Variants in STX18 observed in about 807,000 individuals in gnomAD.
STX18 encodes the protein syntaxin 18.
STX18 carries 40 observed loss-of-function variants against 50.1 expected under a neutral mutation model. The observed-to-expected ratio is 0.80, with a 90% confidence interval of 0.62 to 1.04. The LOEUF (loss-of-function observed/expected upper bound fraction) is 1.04, where lower values mean the gene tolerates loss of function less well. Among genes scored for constraint, STX18 ranks in the 50% least tolerant of loss-of-function variants. The pLI, the probability that STX18 is intolerant of heterozygous loss-of-function variation, is 0.00. For synonymous variants in STX18, 158 were observed against 151.8 expected (o/e 1.04, Z -0.30); for missense variants, 410 against 415.8 (o/e 0.99, Z 0.12).
intron 5 of STX18, among the ~76,000 whole-genome samples, chr4:4,439,336 CACAT>C (rs1044803167): frequency 2.0e-5 from 3 of 149,406 alleles, no homozygotes; most frequent in Non-Finnish European, 4.4e-5. Context: ...TATACACACC[CACAT>C]ACATATACTA....
At chr4:4,462,650 T>C (rs10020986) in intron 2 of STX18, among the ~76,000 whole-genome samples, 53,268 of 151,568 alleles carry the variant, frequency 0.35, 12,938 homozygotes, top group African/African-American at 0.7. Flanking sequence ...TCACTTGAGC[T>C]CAGGATTTTG....
intron 1 of STX18, among the ~76,000 whole-genome samples, chr4:4,487,800 T>C (rs1260100420): frequency 1.3e-5 from 2 of 152,222 alleles, no homozygotes; most frequent in Admixed American, 1.3e-4. Flanking sequence ...ACGCTCACTC[T>C]TTTTGTGTTG....
chr4:4,435,114 G>A (rs1725710303), intron 6 of STX18, among the ~76,000 whole-genome samples: 1 of 152,094 alleles, frequency 6.6e-6, no homozygotes, highest in Non-Finnish European at 1.5e-5. Flanking sequence ...TTTCAGTATC[G>A]CACTGATGTC....
chr4:4,470,089 G>C (rs1446206990), intron 2 of STX18, among the ~76,000 whole-genome samples: 1 of 152,180 alleles, frequency 6.6e-6, no homozygotes, highest in African/African-American at 2.4e-5. Context: ...ATGAGGGCAG[G>C]AATATTTGTA....
At chr4:4,471,731 A>T (rs1430813814) in intron 1 of STX18, 25 bp from the exon 2 acceptor site, 1 of 1,491,282 alleles carries the variant, frequency 6.7e-7, no homozygotes. Flanking sequence ...GAAAGCCAAC[A>T]GTTTATATAG....
intron 5 of STX18, among the ~76,000 whole-genome samples, chr4:4,445,500 A>AGGTC (rs1192044427): frequency 6.6e-6 from 1 of 152,182 alleles, no homozygotes; most frequent in Non-Finnish European, 1.5e-5. Context: ...AGTTGTAGAC[A>AGGTC]GGTCAATATA....
intron 5 of STX18, among the ~76,000 whole-genome samples, chr4:4,439,614 C>T (rs1299035045): frequency 6.8e-6 from 1 of 146,310 alleles, no homozygotes; most frequent in African/African-American, 2.5e-5. Flanking sequence ...TACCCCCCAA[C>T]ATATATACTC....
chr4:4,525,594 G>A lies in STX18; in HGVS notation c.168+16203C>T, dbSNP rs375562742. The stretch of plus-strand genomic sequence containing the variant: ...CAAAGACCAAGAAGATATGGTGTCT[G>A]TTCTGTCTAAAGGCTGTATTACTGG... On this transcript the variant is annotated intron_variant, in intron 1 of 10. Coordinates refer to ENST00000306200, the MANE Select transcript of STX18 (RefSeq NM_016930.4). Among the ~76,000 whole-genome samples the A allele has an allele frequency of 1.3e-4, 20 of 152,266 alleles. 1 individual carries two copies. The East Asian group carries it at 1.5e-3, about 12-fold the overall frequency.
chr4:4,451,693 C>G (rs1334060099), intron 5 of STX18, among the ~76,000 whole-genome samples: 3 of 152,156 alleles, frequency 2.0e-5, no homozygotes, highest in Non-Finnish European at 4.4e-5. Flanking sequence ...CATAAGACAG[C>G]GTACTTCATA....
At position 4,507,332 on chromosome 4, in the gene STX18, A is replaced by G. The variant is rs779523800; in HGVS notation, c.168+34465T>C. 2.1e-4 allele frequency: 154 copies of G among 741,700 alleles called. 1 individual carries two copies. The highest frequency in any genetic ancestry group is 3.6e-4 in the Non-Finnish European group (143 of 393,274). The allele number at this position is 741,700 out of a possible 1,614,324, so 45.9% of individuals were successfully genotyped here. On this transcript the variant is annotated intron_variant, in intron 1 of 10. Coordinates refer to ENST00000306200, the MANE Select transcript of STX18 (RefSeq NM_016930.4). ...CTCAAGGCTCAGCTCACAGAGCTGA[A>G]TATTATGGCAGCCAAGGAAATTGAA...
intron 1 of STX18, among the ~76,000 whole-genome samples, chr4:4,501,480 T>C (rs1357868654): frequency 6.6e-6 from 1 of 152,200 alleles, no homozygotes; most frequent in East Asian, 1.9e-4. Flanking sequence ...TAGTGATTAT[T>C]TTGTGAGGGA....
intron 1 of STX18, among the ~76,000 whole-genome samples, chr4:4,505,940 G>C (rs1038359098): frequency 3.3e-5 from 5 of 152,306 alleles, no homozygotes; most frequent in African/African-American, 9.6e-5. Flanking sequence ...CTTTGTGCCT[G>C]TTTTTTAATT....
chr4:4,467,754 T>A (rs890238342), intron 2 of STX18, among the ~76,000 whole-genome samples: 4 of 16,698 alleles, frequency 2.4e-4, no homozygotes, highest in Admixed American at 8.5e-4. Context: ...GGGGGGTGGG[T>A]GGGAGGGTAG....
intron 1 of STX18, among the ~76,000 whole-genome samples, chr4:4,526,539 A>T (rs185623397): frequency 1.3e-5 from 2 of 152,374 alleles, no homozygotes; most frequent in Admixed American, 1.3e-4. Flanking sequence ...AAATGTAAAC[A>T]GGAAAACCAA....
At position 4,432,735 on chromosome 4, in the gene STX18, TG is replaced by T. The variant is rs551510199; in HGVS notation, c.702+2034del. ...AGGCTGTGCTACCTTTTGGCTTTTT[TG>T]TCTTCACTTGTCCATGCCATTTTTA... On this transcript the variant is annotated intron_variant, in intron 7 of 10. Coordinates refer to ENST00000306200, the MANE Select transcript of STX18 (RefSeq NM_016930.4). Among the ~76,000 whole-genome samples the T allele has an allele frequency of 5.9e-5, 9 of 152,384 alleles. No individual in the cohort carries two copies. In the South Asian group the frequency reaches 1.9e-3, roughly 32 times the overall value.
At chr4:4,489,606 G>A (rs2108862045) in intron 1 of STX18, among the ~76,000 whole-genome samples, 1 of 151,632 alleles carries the variant, frequency 6.6e-6, no homozygotes, top group East Asian at 1.9e-4. Context: ...TCTTTGTTTG[G>A]AAATAAATGA....
intron 1 of STX18, among the ~76,000 whole-genome samples, chr4:4,516,695 T>C (rs1560205163): frequency 6.6e-6 from 1 of 152,210 alleles, no homozygotes; most frequent in Non-Finnish European, 1.5e-5. Flanking sequence ...TTGACTAACG[T>C]GCTATGCATT....
intron 5 of STX18, among the ~76,000 whole-genome samples, chr4:4,456,065 C>T (rs1185645960): frequency 6.6e-6 from 1 of 151,918 alleles, no homozygotes; most frequent in Admixed American, 6.6e-5. Context: ...ATTGCCTGAG[C>T]CCAGGAGTTT....
intron 2 of STX18, chr4:4,461,782 G>A (rs1012366040): frequency 1.1e-5 from 5 of 443,592 alleles, no homozygotes; most frequent in South Asian, 8.0e-5. Context: ...TCATGTTTCT[G>A]TGGGAACCAA....
Sources: allele counts gnomAD v4.1 joint callset (sites outside exome capture counted in the v4.1 genomes callset), GRCh38; gene constraint gnomAD v4.1.1; transcripts MANE v1.5; gene names NCBI Gene and HGNC (gene_info 2026-07-23, HGNC 2026-07-21).